NCALD: variants seen among roughly 807,000 people sequenced by gnomAD.
NCALD encodes neurocalcin delta.
NCALD carries 10 observed loss-of-function variants against 18.6 expected under a neutral mutation model. That is an observed-to-expected ratio of 0.54 (90% CI 0.33 to 0.91). NCALD has a LOEUF of 0.91. Among genes scored for constraint, NCALD ranks in the 40% least tolerant of loss-of-function variants. The pLI is 0.03. For missense variants in NCALD, 184 were observed against 247.6 expected, an observed-to-expected ratio of 0.74 and a Z score of 1.72; for synonymous variants, 88 against 87.4, an observed-to-expected ratio of 1.01 and a Z score of -0.04.
intron 1 of NCALD, among the ~76,000 whole-genome samples, chr8:102,112,311 C>G (rs962487994): frequency 6.6e-6 from 1 of 152,130 alleles, no homozygotes; most frequent in Non-Finnish European, 1.5e-5. Flanking sequence ...CCTGAAGATA[C>G]AAGCTCCAGG....
At chr8:101,828,049 T>G (rs1814014202) in intron 4 of NCALD, among the ~76,000 whole-genome samples, 1 of 152,252 alleles carries the variant, frequency 6.6e-6, no homozygotes, top group Non-Finnish European at 1.5e-5. Flanking sequence ...CAATTGAGCA[T>G]GCAAACACTT....
At chr8:102,064,021 C>G (rs1823926442) in intron 1 of NCALD, among the ~76,000 whole-genome samples, 1 of 152,162 alleles carries the variant, frequency 6.6e-6, no homozygotes, top group Non-Finnish European at 1.5e-5. Flanking sequence ...CCAGTGGATT[C>G]ATTTTTGGCT....
intron 4 of NCALD, among the ~76,000 whole-genome samples, chr8:101,844,182 T>C (rs532000632): frequency 8.7e-4 from 133 of 152,270 alleles, no homozygotes; most frequent in African/African-American, 3.1e-3. Context: ...CTCACTGGCA[T>C]CCCACTAGGG....
At chr8:101,969,937 G>GCA (rs1187511778) in intron 2 of NCALD, among the ~76,000 whole-genome samples, 2 of 146,214 alleles carry the variant, frequency 1.4e-5, no homozygotes, top group Admixed American at 1.3e-4. Flanking sequence ...GTGTGTGTGT[G>GCA]CACACACATG....
intron 2 of NCALD, among the ~76,000 whole-genome samples, chr8:101,935,453 A>G (rs889898277): frequency 6.6e-6 from 1 of 152,238 alleles, no homozygotes; most frequent in African/African-American, 2.4e-5. Context: ...GCTCTATCCT[A>G]TAACTAAAGA....
intron 2 of NCALD, among the ~76,000 whole-genome samples, chr8:101,990,187 A>G: frequency 6.6e-6 from 1 of 152,206 alleles, no homozygotes; most frequent in Non-Finnish European, 1.5e-5. Flanking sequence ...TGTTTTTGCT[A>G]CTAATTATGT....
At chr8:101,994,856 T>C (rs115791376) in intron 2 of NCALD, among the ~76,000 whole-genome samples, 33 of 152,392 alleles carry the variant, frequency 2.2e-4, no homozygotes, top group African/African-American at 7.2e-4. Flanking sequence ...AAACCATCTC[T>C]TAGCTGGGTG....
At chr8:101,840,826 T>C (rs1260241771) in intron 4 of NCALD, among the ~76,000 whole-genome samples, 1 of 152,208 alleles carries the variant, frequency 6.6e-6, no homozygotes, top group Admixed American at 6.5e-5. Context: ...TTATTACTTA[T>C]GGCAAAACAT....
intron 1 of NCALD, among the ~76,000 whole-genome samples, chr8:102,037,591 T>C (rs1377092098): frequency 6.6e-6 from 1 of 152,204 alleles, no homozygotes; most frequent in Non-Finnish European, 1.5e-5. Context: ...GAGCTATCTC[T>C]AGGTGTTGAG....
intron 1 of NCALD, among the ~76,000 whole-genome samples, chr8:101,728,328 A>G (rs1816663607): frequency 6.6e-6 from 1 of 152,184 alleles, no homozygotes; most frequent in Non-Finnish European, 1.5e-5. Context: ...AATTCCTCAG[A>G]GCCCAGAGTT....
chr8:102,037,037 T>C (rs1057092650), intron 1 of NCALD, among the ~76,000 whole-genome samples: 1 of 152,110 alleles, frequency 6.6e-6, no homozygotes, highest in Non-Finnish European at 1.5e-5. Flanking sequence ...TCTGTAATAA[T>C]AAAAATTGGG....
intron 2 of NCALD, among the ~76,000 whole-genome samples, chr8:102,005,587 T>C (rs189249338): frequency 1.3e-5 from 2 of 152,304 alleles, no homozygotes; most frequent in African/African-American, 4.8e-5. Context: ...CGTATGTTTA[T>C]TGCGGCACTA....
At chr8:101,961,773 G>A (rs914384756) in intron 2 of NCALD, among the ~76,000 whole-genome samples, 1 of 151,944 alleles carries the variant, frequency 6.6e-6, no homozygotes, top group Non-Finnish European at 1.5e-5. Flanking sequence ...GGACATTCTC[G>A]CCAACTCTAC....
At chr8:101,938,292 G>T (rs1402287304) in intron 2 of NCALD, among the ~76,000 whole-genome samples, 3 of 152,044 alleles carry the variant, frequency 2.0e-5, no homozygotes, top group Non-Finnish European at 2.9e-5. Context: ...CTCATTTTAT[G>T]TGCTATATTG....
intron 3 of NCALD, among the ~76,000 whole-genome samples, chr8:101,898,533 C>CT (rs993087198): frequency 1.3e-5 from 2 of 152,062 alleles, no homozygotes; most frequent in African/African-American, 4.8e-5. Flanking sequence ...AATTTATTGA[C>CT]TTTTTTTCTT....
intron 1 of NCALD, among the ~76,000 whole-genome samples, chr8:102,072,863 C>A (rs1313326390): frequency 6.6e-6 from 1 of 152,120 alleles, no homozygotes; most frequent in African/African-American, 2.4e-5. Flanking sequence ...GAAAAACACT[C>A]TCACACATTT....
chr8:101,886,457 C>T (rs996722187), intron 4 of NCALD, among the ~76,000 whole-genome samples: 2 of 152,196 alleles, frequency 1.3e-5, no homozygotes, highest in Non-Finnish European at 2.9e-5. Flanking sequence ...AGCCATATGA[C>T]TTTGCCTGCA....
At chr8:101,710,802 C>G (rs1815750825) in intron 2 of NCALD, among the ~76,000 whole-genome samples, 1 of 152,238 alleles carries the variant, frequency 6.6e-6, no homozygotes. Flanking sequence ...CTCCCTGGGA[C>G]AGAGCACCTG....
chr8:101,889,423 G>A (rs538065289), intron 3 of NCALD, among the ~76,000 whole-genome samples: 92 of 152,272 alleles, frequency 6.0e-4, no homozygotes, highest in Admixed American at 3.3e-3. Flanking sequence ...CAAGCCTTTC[G>A]ACTCCCTGTC....
Sources: gnomAD v4.1 joint callset for allele counts (sites outside exome capture counted in the v4.1 genomes callset) on GRCh38, gnomAD v4.1.1 for gene constraint, MANE v1.5 for transcripts, NCBI Gene and HGNC (gene_info 2026-07-23, HGNC 2026-07-21) for gene names.